POMP: variants seen among roughly 807,000 people sequenced by gnomAD.
The protein encoded by POMP is 2510048O06Rik.
A neutral mutation model predicts 20.6 loss-of-function variants in POMP; 12 were observed. The ratio of observed to expected loss-of-function variants is 0.58; its 90% CI spans 0.37 to 0.94. The LOEUF is 0.94. Ranked by LOEUF, POMP falls within the 40% of genes least tolerant of loss-of-function variation. The pLI is 0.01. For missense variants in POMP, 136 were observed against 161.1 expected (o/e 0.84, Z 0.84); for synonymous variants, 53 against 55.0 (o/e 0.96, Z 0.16).
At position 28,672,315 on chromosome 13, in the gene POMP, G is replaced by T. The variant is rs781163261; in HGVS notation, c.265-24G>T. ...TTTCCCCTGAGTTTTTTCTAATCTT[G>T]TCCCTTCATACTTTTCCCCAAAGGT... On this transcript the variant is annotated intron_variant, in intron 4 of 5. Transcript: ENST00000380842. 10 of 1,505,154 alleles carry T rather than the reference G, an allele frequency of 6.6e-6. No individual in the cohort carries two copies. The African/African-American group carries it at 1.2e-4, about 19-fold the overall frequency. The allele number at this position is 1,505,154 out of a possible 1,614,324, so 93.2% of individuals were successfully genotyped here.
At chr13:28,664,431 T>C (rs1258679309) in intron 2 of POMP, 78 bp from the exon 3 acceptor site, 2 of 983,822 alleles carry the variant, frequency 2.0e-6, no homozygotes, top group Non-Finnish European at 3.1e-6. Context: ...GCCATCCCTT[T>C]ATAGATATGA....
chr13:28,673,429 T>C (rs1323021696), intron 5 of POMP, among the ~76,000 whole-genome samples: 2 of 152,238 alleles, frequency 1.3e-5, no homozygotes, highest in Non-Finnish European at 2.9e-5. Flanking sequence ...GTAAGAACAA[T>C]ATATGCAGCA....
chr13:28,668,759 A>G (rs1884490003), intron 4 of POMP, among the ~76,000 whole-genome samples, 185 bp downstream of exon 4: 1 of 152,170 alleles, frequency 6.6e-6, no homozygotes, highest in Non-Finnish European at 1.5e-5. Context: ...GAAAACTTCA[A>G]ATTACAGGCT....
intron 5 of POMP, among the ~76,000 whole-genome samples, chr13:28,675,441 G>GT (rs1013466615): frequency 1.1e-4 from 17 of 152,184 alleles, no homozygotes; most frequent in Non-Finnish European, 2.4e-4. Flanking sequence ...GCCCGGCCAG[G>GT]TAGATGATTT....
chr13:28,664,606 A>G, intron 3 of POMP, 37 bp downstream of exon 3: 1 of 1,173,462 alleles, frequency 8.5e-7, no homozygotes, highest in Non-Finnish European at 1.2e-6. Flanking sequence ...TTATCTTCTA[A>G]TAGATAAATA....
intron 4 of POMP, among the ~76,000 whole-genome samples, chr13:28,671,982 C>G (rs2137797732): frequency 6.6e-6 from 1 of 152,216 alleles, no homozygotes; most frequent in South Asian, 2.1e-4. Flanking sequence ...TTGAGTTGGA[C>G]TTTCTTCAGG....
chr13:28,676,213 C>G (rs1408912542), intron 5 of POMP, among the ~76,000 whole-genome samples: 2 of 152,092 alleles, frequency 1.3e-5, no homozygotes, highest in Non-Finnish European at 2.9e-5. Context: ...ACCGTGTTAG[C>G]CAGGATGGTC....
chr13:28,659,157 A>C lies in POMP; in HGVS notation c.-28A>C. On this transcript the variant is annotated 5_prime_UTR_variant, in exon 1 of 6. Coordinates refer to ENST00000380842, the MANE Select transcript of POMP (RefSeq NM_015932.6). ...CGGGGTCGACTGACGGTAACGGGGC[A>C]GAGAGGCTGTTCGCAGAGCTGCGGA... 6.3e-7 allele frequency: 1 copy of C among 1,580,770 alleles called. No homozygotes were observed. Among genetic ancestry groups the C allele is most frequent in the Non-Finnish European group, 8.6e-7 (1 of 1,164,244 alleles).
At chr13:28,659,293 C>T in intron 1 of POMP, 106 bp downstream of exon 1, 3 of 1,516,420 alleles carry the variant, frequency 2.0e-6, no homozygotes, top group Non-Finnish European at 2.7e-6. Flanking sequence ...GCGGCGGCGG[C>T]AGCGTGGGGC....
At chr13:28,666,196 C>T (rs1386026991) in intron 3 of POMP, among the ~76,000 whole-genome samples, 2 of 152,146 alleles carry the variant, frequency 1.3e-5, no homozygotes, top group African/African-American at 4.8e-5. Flanking sequence ...ATGAATTCTA[C>T]ACCTTTGGGC....
At chr13:28,667,937 T>C (rs1006697147) in intron 3 of POMP, among the ~76,000 whole-genome samples, 1 of 152,290 alleles carries the variant, frequency 6.6e-6, no homozygotes. Context: ...CCAATACAAA[T>C]TGAATAAACT....
intron 1 of POMP, among the ~76,000 whole-genome samples, chr13:28,659,563 C>T (rs976471881): frequency 6.6e-6 from 1 of 152,140 alleles, no homozygotes; most frequent in Non-Finnish European, 1.5e-5. Flanking sequence ...TGACGGGTAA[C>T]CTCTGGGAGC....
chr13:28,660,369 T>G (rs1386001005), intron 1 of POMP, among the ~76,000 whole-genome samples: 2 of 152,216 alleles, frequency 1.3e-5, no homozygotes, highest in Admixed American at 1.3e-4. Flanking sequence ...ATAAATTACA[T>G]GAGATACCCA....
At chr13:28,666,760 G>A (rs1884455393) in intron 3 of POMP, among the ~76,000 whole-genome samples, 3 of 152,206 alleles carry the variant, frequency 2.0e-5, no homozygotes, top group African/African-American at 4.8e-5. Flanking sequence ...ATGATTGGGA[G>A]CTTCAGTGGT....
chr13:28,678,156 T>C lies in POMP; in HGVS notation c.*54T>C. On this transcript the variant is annotated 3_prime_UTR_variant, in exon 6 of 6. Transcript: ENST00000380842. ...TGCATCTTGTTTATAGTCATCTTTG[T>C]ACTGTAATTTGATGTACACAACATT... 6.7e-7 allele frequency: 1 copy of C among 1,503,372 alleles called. No homozygotes were observed. The highest frequency in any genetic ancestry group is 9.3e-7 in the Non-Finnish European group (1 of 1,079,652). 93.1% of individuals were successfully genotyped at this position (1,503,372 alleles called of 1,614,324 possible). A position where few individuals can be genotyped will look rare whatever the true frequency, so the allele number is the denominator to read the frequency against.
At chr13:28,663,446 G>T (rs1884384198) in intron 2 of POMP, among the ~76,000 whole-genome samples, 3 of 152,114 alleles carry the variant, frequency 2.0e-5, no homozygotes, top group Non-Finnish European at 4.4e-5. Context: ...GAGTAGCTGG[G>T]ATTACAGGCA....
intron 4 of POMP, 44 bp from the exon 5 acceptor site, chr13:28,672,295 C>T (rs1054485350): frequency 2.8e-6 from 4 of 1,410,834 alleles, no homozygotes; most frequent in Non-Finnish European, 4.0e-6. Flanking sequence ...GTCATTTTCC[C>T]CTGAGTTTTT....
chr13:28,660,848 G>T (rs914342701), intron 1 of POMP, among the ~76,000 whole-genome samples: 2 of 152,158 alleles, frequency 1.3e-5, no homozygotes, highest in Non-Finnish European at 2.9e-5. Context: ...GTTGGAGGAG[G>T]TTTCATGCTT....
At chr13:28,663,071 A>G (rs894846355) in intron 2 of POMP, among the ~76,000 whole-genome samples, 1 of 152,188 alleles carries the variant, frequency 6.6e-6, no homozygotes, top group African/African-American at 2.4e-5. Flanking sequence ...AGAAGCACTC[A>G]GTATGTATTG....
Sources: gnomAD v4.1 joint callset for allele counts (sites outside exome capture counted in the v4.1 genomes callset) on GRCh38, gnomAD v4.1.1 for gene constraint, MANE v1.5 for transcripts, NCBI Gene and HGNC (gene_info 2026-07-23, HGNC 2026-07-21) for gene names.